Variants in ABHD2 observed in about 807,000 individuals in gnomAD.
ABHD2 encodes the protein abhydrolase domain containing 2, acylglycerol lipase.
In ABHD2, 20 loss-of-function variants were observed where a neutral mutation model predicts 48.1. The ratio of observed to expected loss-of-function variants is 0.42; its 90% CI spans 0.29 to 0.60. The LOEUF is 0.60. ABHD2 is among the 20% of genes least tolerant of loss of function. ABHD2 has a pLI of 0.24. For synonymous variants in ABHD2, 209 were observed against 214.2 expected, an observed-to-expected ratio of 0.98 and a Z score of 0.21; for missense variants, 405 against 550.9, an observed-to-expected ratio of 0.74 and a Z score of 2.65.
intron 6 of ABHD2, among the ~76,000 whole-genome samples, chr15:89,180,625 T>G (rs1439500506): frequency 1.3e-5 from 2 of 152,306 alleles, no homozygotes; most frequent in African/African-American, 4.8e-5. Context: ...TCTGGCTGGG[T>G]CTTTTGGGTC....
intron 3 of ABHD2, among the ~76,000 whole-genome samples, chr15:89,139,883 T>C (rs2050375180): frequency 6.6e-6 from 1 of 152,148 alleles, no homozygotes; most frequent in African/African-American, 2.4e-5. Flanking sequence ...CTAACTAGAA[T>C]CTGACCGGAG....
the ABHD2 span, among the ~76,000 whole-genome samples, chr15:89,064,243 G>A: frequency 2.5e-5 from 3 of 121,130 alleles, no homozygotes; most frequent in East Asian, 2.6e-4. Flanking sequence ...TTTTTTACAC[G>A]GAGTCTCATT....
rs2051009207 is a variant in ABHD2 at position 89,176,114 on chromosome 15, T to C, written c.722+119T>C. The C allele has an allele frequency of 9.0e-7, 1 of 1,109,554 alleles. No homozygotes were observed. The allele number at this position is 1,109,554 out of a possible 1,614,324, so 68.7% of individuals were successfully genotyped here. ...AACACTGTGGCCGACTGAGTAGAAG[T>C]TTCTGAGTCTTGGACTCACCTTGTT... On this transcript the variant is annotated intron_variant, in intron 6 of 10. Coordinates refer to ENST00000352732, the MANE Select transcript of ABHD2 (RefSeq NM_152924.5). The surrounding 1 kb of genome is among the most constrained non-coding windows in gnomAD (Gnocchi z 4.5).
intron 8 of ABHD2, among the ~76,000 whole-genome samples, chr15:89,190,695 A>G (rs1422223238): frequency 1.3e-5 from 2 of 152,206 alleles, no homozygotes; most frequent in South Asian, 2.1e-4. Context: ...CTTGAACATC[A>G]TAAGTCTCAC....
rs2049681871 is a variant in ABHD2, at chr15:89,100,340, C to T, written c.-107+11777C>T. Reference sequence around the variant, plus strand: ...TTACTCTGTCACCCAGGCTGGAGTGCAATAGTGCGATCATAGCTCACTGTA... The same window carrying T: ...TTACTCTGTCACCCAGGCTGGAGTGTAATAGTGCGATCATAGCTCACTGTA... On this transcript the variant is annotated intron_variant, in intron 1 of 10. Coordinates refer to ENST00000352732, the MANE Select transcript of ABHD2 (RefSeq NM_152924.5). This position sits in a 1 kb window ranked among gnomAD's most constrained non-coding sequence, Gnocchi z 4.4. Among the ~76,000 whole-genome samples, 1 of 150,430 alleles carries T rather than the reference C, an allele frequency of 6.6e-6. No homozygotes were observed.
rs2051443859 is a variant in ABHD2 at position 89,199,333 on chromosome 15, C to T, written c.*3910C>T. The T allele has an allele frequency of 6.6e-6, 1 of 152,514 alleles. No homozygotes were observed. The highest frequency in any genetic ancestry group is 1.5e-5 in the Non-Finnish European group (1 of 68,030). 9.4% of individuals were successfully genotyped at this position (152,514 alleles called of 1,614,324 possible). On this transcript the variant is annotated 3_prime_UTR_variant, in exon 11 of 11. Coordinates refer to ENST00000352732, the MANE Select transcript of ABHD2 (RefSeq NM_152924.5). This position sits in a 1 kb window ranked among gnomAD's most constrained non-coding sequence, Gnocchi z 4.1. ...GAAACATCACGTCAAGTTGAAGTCA[C>T]TCATAGGTCTTTGTCCTTTAGGCAG...
chr15:89,143,978 C>T lies in ABHD2; in HGVS notation c.195-7699C>T, dbSNP rs550810802. Among the ~76,000 whole-genome samples, 7 of 152,050 alleles carry T rather than the reference C, an allele frequency of 4.6e-5. No individual in the cohort carries two copies. In the South Asian group the frequency reaches 6.2e-4, roughly 14 times the overall value. On this transcript the variant is annotated intron_variant, in intron 3 of 10. Coordinates refer to ENST00000352732, the MANE Select transcript of ABHD2 (RefSeq NM_152924.5). ...GCTGTGGGAAAAAGTTTGGAGTATC[C>T]CCAAAAAGTTAAACATAGAATTGCC...
At chr15:89,075,942 G>T in the ABHD2 span, among the ~76,000 whole-genome samples, 2 of 152,242 alleles carry the variant, frequency 1.3e-5, no homozygotes, top group African/African-American at 4.8e-5. The surrounding 1 kb of genome is among the most constrained non-coding windows in gnomAD (Gnocchi z 4.1). Flanking sequence ...GCCAACTGCT[G>T]GATGCAGCAG....
At position 89,170,210 on chromosome 15, in the gene ABHD2, C is replaced by G. The variant is rs138123096; in HGVS notation, c.539-5602C>G. On this transcript the variant is annotated intron_variant, in intron 5 of 10. Transcript: ENST00000352732. ...TCCCAGGCTCAAGCGATTCTCCCAC[C>G]TCAGCCTCCCAAGTAGCTGGGACTA... Among the ~76,000 whole-genome samples, 618 of 149,372 alleles carry G rather than the reference C, an allele frequency of 4.1e-3. 1 individual carries two copies. Among genetic ancestry groups the G allele is most frequent in the Non-Finnish European group, 7.3e-3 (496 of 67,502 alleles).
At chr15:89,074,465 T>G in the ABHD2 span, among the ~76,000 whole-genome samples, 1 of 151,700 alleles carries the variant, frequency 6.6e-6, no homozygotes. Flanking sequence ...AAGCTGGGAG[T>G]GAGACCCAGA....
chr15:89,122,261 C>T (rs1472232968), intron 3 of ABHD2, among the ~76,000 whole-genome samples: 3 of 152,200 alleles, frequency 2.0e-5, no homozygotes, highest in African/African-American at 7.2e-5. Flanking sequence ...TTAAAATGTT[C>T]CATCTTGTTT....
chr15:89,111,639 C>A (rs2049876719), intron 1 of ABHD2, among the ~76,000 whole-genome samples: 1 of 152,050 alleles, frequency 6.6e-6, no homozygotes, highest in Admixed American at 6.5e-5. Context: ...TCCCTGCCCT[C>A]TAAGGAGCTT....
At chr15:89,076,786 G>A in the ABHD2 span, among the ~76,000 whole-genome samples, 3 of 152,000 alleles carry the variant, frequency 2.0e-5, no homozygotes, top group East Asian at 1.9e-4. Flanking sequence ...ACCCAGCTAC[G>A]GTTTGTTTTC....
intron 1 of ABHD2, among the ~76,000 whole-genome samples, chr15:89,111,803 G>A (rs1044284839): frequency 2.6e-5 from 4 of 152,146 alleles, no homozygotes; most frequent in Non-Finnish European, 5.9e-5. Flanking sequence ...TCTTGAAGCT[G>A]TCTCAAATAG....
rs2050849721 is a variant in ABHD2, at chr15:89,167,123, G to A, written c.539-8689G>A. On this transcript the variant is annotated intron_variant, in intron 5 of 10. Transcript: ENST00000352732. This position sits in a 1 kb window ranked among gnomAD's most constrained non-coding sequence, Gnocchi z 5.5. ...CATGATCCAAGACATCTCACTGTAA[G>A]AGCTTCAGGCAGTGATTTTTAAGGA... Among the ~76,000 whole-genome samples, 2 of 152,190 alleles carry A rather than the reference G, an allele frequency of 1.3e-5. No individual in the cohort carries two copies. Among genetic ancestry groups the A allele is most frequent in the South Asian group, 4.1e-4 (2 of 4,832 alleles).
intron 1 of ABHD2, among the ~76,000 whole-genome samples, chr15:89,112,200 A>G (rs1415109102): frequency 1.3e-5 from 2 of 152,204 alleles, no homozygotes; most frequent in Non-Finnish European, 2.9e-5. Context: ...AGCTCTGTCC[A>G]TTGTTGCCGT....
At chr15:89,080,261 T>C in the ABHD2 span, among the ~76,000 whole-genome samples, 2 of 152,290 alleles carry the variant, frequency 1.3e-5, no homozygotes, top group South Asian at 4.1e-4. Flanking sequence ...AGGAAGGCGG[T>C]AGATACAGAG....
At position 89,166,271 on chromosome 15, in the gene ABHD2, G is replaced by A. The variant is rs1265078233; in HGVS notation, c.539-9541G>A. ...ATCTCCCACCAAAACACCAAGCTGG[G>A]GCATTTGGCATTGAAAATGGCCTCG... On this transcript the variant is annotated intron_variant, in intron 5 of 10. Transcript: ENST00000352732. The surrounding 1 kb of genome is among the most constrained non-coding windows in gnomAD (Gnocchi z 4.6). Among the ~76,000 whole-genome samples the A allele has an allele frequency of 1.3e-5, 2 of 152,078 alleles. No individual in the cohort carries two copies. The highest frequency in any genetic ancestry group is 3.9e-4 in the East Asian group (2 of 5,180).
At chr15:89,192,743 C>G (rs2051327915) in intron 9 of ABHD2, among the ~76,000 whole-genome samples, 1 of 152,132 alleles carries the variant, frequency 6.6e-6, no homozygotes, top group Non-Finnish European at 1.5e-5. Flanking sequence ...GGCTGTGGGT[C>G]TCACTATGTT....
Sources: gnomAD v4.1 joint callset for allele counts (sites outside exome capture counted in the v4.1 genomes callset) on GRCh38, gnomAD v4.1.1 for gene constraint, Gnocchi (gnomAD v3.1) non-coding constraint, MANE v1.5 for transcripts, NCBI Gene and HGNC (gene_info 2026-07-23, HGNC 2026-07-21) for gene names.